The following ARFGEF2 variants were observed in gnomAD, a reference collection of about 807,000 sequenced individuals.
The protein encoded by ARFGEF2 is brefeldin A-inhibited guanine nucleotide-exchange protein 2.
ARFGEF2 carries 74 observed loss-of-function variants against 219.9 expected under a neutral mutation model. The ratio of observed to expected loss-of-function variants is 0.34; its 90% CI spans 0.28 to 0.41. The LOEUF is 0.41. Among genes scored for constraint, ARFGEF2 ranks in the 10% least tolerant of loss-of-function variants. The probability of loss-of-function intolerance (pLI) is 1.00; values close to 1 mark genes in which losing one functional copy is unlikely to be tolerated. For synonymous variants in ARFGEF2, 733 were observed against 799.2 expected, an observed-to-expected ratio of 0.92 and a Z score of 1.40; for missense variants, 1,743 against 2,218.3, an observed-to-expected ratio of 0.79 and a Z score of 4.30.
In ARFGEF2 at chr20:48,988,345, C is replaced by T. The variant is rs562272956; in HGVS notation, c.2318C>T (p.Ala773Val). 28 of 1,613,674 alleles carry T rather than the reference C, an allele frequency of 1.7e-5. No homozygotes were observed. The East Asian group carries it at 3.8e-4, about 22-fold the overall frequency. The change falls in exon 17 of 39, where the codon GCG (alanine) becomes GTG (valine). Residue 773 changes from alanine to valine, a missense_variant. Ala to Val is a moderately conservative substitution (Grantham distance 64). This residue lies in a region of ARFGEF2 where 666 missense variants were observed against 955.4 expected (regional missense o/e 0.70). Transcript: ENST00000371917. ...AGTGCTGACACTGCTTATGTCCTAG[C>T]GTATTCAATTATTATGCTGACTACA... ...FASADTAYVL[A>V]YSIIMLTTDL...
At chr20:49,018,057 A>C (rs2091541987) in intron 33 of ARFGEF2, among the ~76,000 whole-genome samples, 1 of 152,144 alleles carries the variant, frequency 6.6e-6, no homozygotes, top group Non-Finnish European at 1.5e-5. Flanking sequence ...GGTAGTTCTT[A>C]CTTTTTGTGT....
At chr20:48,928,179 T>C (rs889525073) in intron 1 of ARFGEF2, among the ~76,000 whole-genome samples, 4 of 151,744 alleles carry the variant, frequency 2.6e-5, no homozygotes, top group African/African-American at 4.8e-5. Context: ...TTCAGAGGCA[T>C]TGGTGTTGCA....
intron 27 of ARFGEF2, among the ~76,000 whole-genome samples, chr20:49,011,644 A>G (rs916315129): frequency 6.6e-6 from 1 of 152,214 alleles, no homozygotes; most frequent in East Asian, 1.9e-4. Context: ...ATCTTTGCAC[A>G]TAGTTGGCGT....
In ARFGEF2 at chr20:48,974,774, C is replaced by T; in HGVS notation, c.1674C>T (p.Ser558=). ...ELGMTPLQEL[S]LRKKGLECLV... ...GTGACTTCGTCCCTTAGGAGCTCAG[C>T]CTGAGGAAGAAAGGCCTGGAGTGCC... Residue 558 remains serine, a synonymous_variant, in exon 13 of 39, where the codon AGC becomes AGT. Transcript: ENST00000371917. 1 of 1,613,334 alleles carries T rather than the reference C, an allele frequency of 6.2e-7. No homozygotes were observed. The highest frequency in any genetic ancestry group is 8.5e-7 in the Non-Finnish European group (1 of 1,179,640).
intron 11 of ARFGEF2, 134 bp from the exon 12 acceptor site, chr20:48,973,011 G>T (rs1178100485): frequency 2.1e-6 from 2 of 948,296 alleles, no homozygotes; most frequent in Non-Finnish European, 3.3e-6. Context: ...CTTCCAACAT[G>T]TGTTTCCTGA....
intron 1 of ARFGEF2, among the ~76,000 whole-genome samples, chr20:48,938,088 G>A (rs879796987): frequency 2.6e-5 from 4 of 152,132 alleles, no homozygotes; most frequent in Non-Finnish European, 4.4e-5. Context: ...TGATTTTCTG[G>A]GTTTAAGTCC....
Position 48,973,108 on chromosome 20 carries a change from G to T in ARFGEF2, c.1526-37G>T. 4 of 1,612,726 alleles carry T rather than the reference G, an allele frequency of 2.5e-6. No homozygotes were observed. In the South Asian group the frequency reaches 3.3e-5, roughly 13 times the overall value. On this transcript the variant is annotated intron_variant, in intron 11 of 38. Coordinates refer to ENST00000371917, the MANE Select transcript of ARFGEF2 (RefSeq NM_006420.3). ...TGATAAGAAAACCTAACTGCTATTT[G>T]ATCAGAATTTCTGATACTTGTATGT...
intron 1 of ARFGEF2, among the ~76,000 whole-genome samples, chr20:48,925,184 G>C (rs1328428930): frequency 6.6e-6 from 1 of 152,192 alleles, no homozygotes; most frequent in Admixed American, 6.5e-5. Flanking sequence ...CAGATTTGGA[G>C]TAATCTCAAT....
At chr20:48,942,038 T>G (rs374055845) in intron 3 of ARFGEF2, 51 bp downstream of exon 3, 2 of 1,611,544 alleles carry the variant, frequency 1.2e-6, no homozygotes. Flanking sequence ...CAAGCCACAG[T>G]TGGTCCTTAC....
At chr20:48,993,485 G>C (rs531360719) in intron 21 of ARFGEF2, among the ~76,000 whole-genome samples, 2 of 152,340 alleles carry the variant, frequency 1.3e-5, no homozygotes, top group East Asian at 3.9e-4. Flanking sequence ...TATAAGTAAA[G>C]ATACTCGGCA....
In ARFGEF2 at chr20:49,014,711, A is replaced by G. The variant is rs187194144; in HGVS notation, c.4179+751A>G. On this transcript the variant is annotated intron_variant, in intron 30 of 38. Coordinates refer to ENST00000371917, the MANE Select transcript of ARFGEF2 (RefSeq NM_006420.3). ...GAAGGTGAGGTGGGAGGATTACTTG[A>G]GGCCAAGAGTTTGGGACCAGCCTAG... Among the ~76,000 whole-genome samples, 723 of 152,282 alleles carry G rather than the reference A, an allele frequency of 4.7e-3. 3 individuals carry two copies. Among genetic ancestry groups the G allele is most frequent in the African/African-American group, 0.016 (685 of 41,568 alleles).
At chr20:49,021,314 CA>C (rs2091563820) in intron 34 of ARFGEF2, among the ~76,000 whole-genome samples, 1 of 151,816 alleles carries the variant, frequency 6.6e-6, no homozygotes. Context: ...AACTTAAAGA[CA>C]ACTCAACCTC....
At chr20:48,975,916 A>G in intron 13 of ARFGEF2, 100 bp from the exon 14 acceptor site, 1 of 1,044,376 alleles carries the variant, frequency 9.6e-7, no homozygotes, top group Non-Finnish European at 1.5e-6. Context: ...ACTTGTTGCT[A>G]TTACAGGTTT....
chr20:48,936,169 A>AGG (rs1221016730), intron 1 of ARFGEF2, among the ~76,000 whole-genome samples: 1 of 108,256 alleles, frequency 9.2e-6, no homozygotes, highest in Non-Finnish European at 1.8e-5. Context: ...GGCCGGGCAG[A>AGG]GGGGCTCCTC....
chr20:48,956,229 A>ACCCTAACTGGACACTCACTG (rs1230434537), intron 6 of ARFGEF2, among the ~76,000 whole-genome samples: 2 of 152,196 alleles, frequency 1.3e-5, no homozygotes, highest in Non-Finnish European at 2.9e-5. Context: ...CACATGGCCA[A>ACCCTAACTGGACACTCACTG]CCCTAACTGG....
At chr20:48,979,833 A>AT (rs767128741) in intron 14 of ARFGEF2, among the ~76,000 whole-genome samples, 14 of 151,668 alleles carry the variant, frequency 9.2e-5, no homozygotes, top group Non-Finnish European at 1.5e-4. Flanking sequence ...CCCCTTTATC[A>AT]TTTTTTATTG....
intron 1 of ARFGEF2, among the ~76,000 whole-genome samples, chr20:48,927,282 A>C (rs1423697562): frequency 6.6e-6 from 1 of 152,198 alleles, no homozygotes; most frequent in Non-Finnish European, 1.5e-5. Context: ...ATGATACATA[A>C]ATTGCTTTTT....
intron 1 of ARFGEF2, among the ~76,000 whole-genome samples, chr20:48,939,067 C>T (rs1229832861): frequency 1.3e-5 from 2 of 151,314 alleles, no homozygotes; most frequent in Non-Finnish European, 2.9e-5. Context: ...TACTGCTTCC[C>T]GGGTTCAAGC....
chr20:48,927,927 C>CA lies in ARFGEF2; in HGVS notation c.121+5923dup, dbSNP rs202086866. On this transcript the variant is annotated intron_variant, in intron 1 of 38. Transcript: ENST00000371917. ...GAGGTTATCTGTCTGGAAGCAGCAT[C>CA]AAAAAACTGGATTGTTCTTGATTAT... Among the ~76,000 whole-genome samples the CA allele has an allele frequency of 8.9e-3, 1,347 of 152,178 alleles. 11 individuals carry two copies. Among genetic ancestry groups the CA allele is most frequent in the Middle Eastern group, 0.017 (5 of 294 alleles).
Sources: gnomAD v4.1 joint callset for allele counts (sites outside exome capture counted in the v4.1 genomes callset) on GRCh38, gnomAD v4.1.1 for gene constraint, gnomAD v4.1.1 regional missense constraint, MANE v1.5 for transcripts, NCBI Gene and HGNC (gene_info 2026-07-23, HGNC 2026-07-21) for gene names.